GPM6A: variants seen among roughly 807,000 people sequenced by gnomAD.
GPM6A encodes glycoprotein M6A, also known as neuronal membrane glycoprotein M6-a.
In GPM6A, 7 loss-of-function variants were observed where a neutral mutation model predicts 32.1. The ratio of observed to expected loss-of-function variants is 0.22; its 90% confidence interval spans 0.12 to 0.41. The LOEUF is 0.41. GPM6A is among the 10% of genes least tolerant of loss of function. GPM6A has a pLI of 1.00. For synonymous variants in GPM6A, 130 were observed against 123.4 expected, an observed-to-expected ratio of 1.05 and a Z score of -0.35; for missense variants, 235 against 347.2, an observed-to-expected ratio of 0.68 and a Z score of 2.57.
chr4:175,910,935 T>A (rs1738294341), intron 1 of GPM6A, among the ~76,000 whole-genome samples: 1 of 152,144 alleles, frequency 6.6e-6, no homozygotes, highest in African/African-American at 2.4e-5. Context: ...GCAATGGGGT[T>A]TGGCCCGAGG....
intron 1 of GPM6A, among the ~76,000 whole-genome samples, chr4:175,741,944 C>T (rs565677604): frequency 1.3e-4 from 19 of 151,576 alleles, no homozygotes; most frequent in South Asian, 6.3e-4. Flanking sequence ...GTCAAAGCTA[C>T]GCATTTATGG....
chr4:175,836,888 A>G (rs927423749), intron 1 of GPM6A, among the ~76,000 whole-genome samples: 1 of 152,214 alleles, frequency 6.6e-6, no homozygotes, highest in African/African-American at 2.4e-5. Context: ...TTCACCAGGC[A>G]TAGCAGGGAG....
intron 1 of GPM6A, among the ~76,000 whole-genome samples, chr4:175,889,587 G>A (rs572390019): frequency 6.6e-6 from 1 of 151,656 alleles, no homozygotes; most frequent in South Asian, 2.1e-4. Flanking sequence ...AGGCCGAGGC[G>A]GGTGGATCAC....
At chr4:175,726,013 AAGACGG>A (rs1746387678) in intron 1 of GPM6A, among the ~76,000 whole-genome samples, 1 of 13,490 alleles carries the variant, frequency 7.4e-5, no homozygotes, top group African/African-American at 2.2e-4. Flanking sequence ...TTTTTTTTTT[AAGACGG>A]AGTCTCACTG....
chr4:175,903,963 GGGGAAAT>G (rs1738046295), intron 1 of GPM6A, among the ~76,000 whole-genome samples: 1 of 151,996 alleles, frequency 6.6e-6, no homozygotes, highest in Non-Finnish European at 1.5e-5. Context: ...ATGTCCTTCT[GGGGAAAT>G]ACATGTGAAG....
chr4:175,710,027 CA>C (rs1745443158), intron 1 of GPM6A, among the ~76,000 whole-genome samples: 1 of 151,988 alleles, frequency 6.6e-6, no homozygotes, highest in Non-Finnish European at 1.5e-5. Context: ...ACACAAAGAC[CA>C]AAAAGTGCAA....
chr4:175,931,749 T>C (rs1210621356), intron 1 of GPM6A, among the ~76,000 whole-genome samples: 1 of 145,856 alleles, frequency 6.9e-6, no homozygotes, highest in African/African-American at 2.6e-5. Flanking sequence ...GCAATGAGAG[T>C]AGATAAACTC....
chr4:175,680,000 T>A (rs1167000659), intron 2 of GPM6A, among the ~76,000 whole-genome samples: 1 of 152,206 alleles, frequency 6.6e-6, no homozygotes, highest in Non-Finnish European at 1.5e-5. Context: ...GACCAAGATG[T>A]GGTGCTATAT....
intron 1 of GPM6A, among the ~76,000 whole-genome samples, chr4:175,728,553 CT>C (rs1324664386): frequency 6.6e-6 from 1 of 152,130 alleles, no homozygotes; most frequent in Non-Finnish European, 1.5e-5. Flanking sequence ...ATATTCCTAG[CT>C]GTGGTGCAGA....
At chr4:175,867,132 G>A (rs759892781) in intron 1 of GPM6A, among the ~76,000 whole-genome samples, 1 of 152,144 alleles carries the variant, frequency 6.6e-6, no homozygotes, top group Non-Finnish European at 1.5e-5. Context: ...AGTTTTAAGA[G>A]TCCTTGGTGT....
intron 1 of GPM6A, among the ~76,000 whole-genome samples, chr4:175,764,000 C>A (rs550434620): frequency 7.9e-5 from 12 of 152,126 alleles, no homozygotes; most frequent in African/African-American, 2.9e-4. Flanking sequence ...ATTTTTTGGT[C>A]CCTTTTGTAC....
chr4:175,671,024 C>G (rs1004115802), intron 3 of GPM6A, among the ~76,000 whole-genome samples: 1 of 151,808 alleles, frequency 6.6e-6, no homozygotes, highest in African/African-American at 2.4e-5. Flanking sequence ...CCACCATGCC[C>G]GGCTAATTTT....
Position 175,858,848 on chromosome 4 carries a change from TAAAC to T in GPM6A, c.-22-46603_-22-46600del, listed in dbSNP as rs1313903908. Among the ~76,000 whole-genome samples, 3 of 151,988 alleles carry T rather than the reference TAAAC, an allele frequency of 2.0e-5. No individual in the cohort carries two copies. In the East Asian group the frequency reaches 5.8e-4, roughly 29 times the overall value. ...AAATGTCTATGAACGAGTGAACAAA[TAAAC>T]AAATCTAATATATGCATGAAAGGGA... On this transcript the variant is annotated intron_variant, in intron 1 of 7. Coordinates refer to the GPM6A transcript ENST00000280187.
intron 1 of GPM6A, among the ~76,000 whole-genome samples, chr4:175,742,959 C>CTGT (rs1731948295): frequency 6.6e-6 from 1 of 151,630 alleles, no homozygotes; most frequent in Non-Finnish European, 1.5e-5. Flanking sequence ...CTTGCCTGGG[C>CTGT]AACATTGTAA....
At chr4:175,647,286 G>A (rs538729891) in intron 4 of GPM6A, among the ~76,000 whole-genome samples, 1 of 152,262 alleles carries the variant, frequency 6.6e-6, no homozygotes, top group South Asian at 2.1e-4. Context: ...ATGATGTAAT[G>A]AGGATCAGTT....
intron 1 of GPM6A, among the ~76,000 whole-genome samples, chr4:176,001,977 C>A (rs1272341221): frequency 6.6e-6 from 1 of 152,156 alleles, no homozygotes; most frequent in Admixed American, 6.5e-5. Flanking sequence ...TTCCCAAATA[C>A]CGCCCCCAGC....
intron 1 of GPM6A, among the ~76,000 whole-genome samples, chr4:175,715,995 G>A (rs547891212): frequency 4.6e-5 from 7 of 152,236 alleles, no homozygotes; most frequent in South Asian, 4.1e-4. Flanking sequence ...AACCTGGGAG[G>A]AGGAGGTTGC....
intron 1 of GPM6A, among the ~76,000 whole-genome samples, chr4:175,924,086 C>G (rs1579631373): frequency 6.6e-6 from 1 of 152,268 alleles, no homozygotes; most frequent in Middle Eastern, 3.4e-3. Flanking sequence ...TTTGGTAGCT[C>G]TCTACTTTCT....
intron 1 of GPM6A, among the ~76,000 whole-genome samples, chr4:175,810,989 A>G (rs986033226): frequency 3.9e-5 from 6 of 152,118 alleles, no homozygotes; most frequent in African/African-American, 1.4e-4. Flanking sequence ...TGGGAAATCA[A>G]CTTATCTATT....
Sources: allele counts gnomAD v4.1 joint callset (sites outside exome capture counted in the v4.1 genomes callset), GRCh38; gene constraint gnomAD v4.1.1; transcripts MANE v1.5; gene names NCBI Gene and HGNC (gene_info 2026-07-23, HGNC 2026-07-21).